The following RC3H1 variants were observed in gnomAD, a reference collection of about 807,000 sequenced individuals.
RC3H1 encodes the protein ring finger and CCCH-type domains 1, also known as roquin-1.
A neutral mutation model predicts 138.2 loss-of-function variants in RC3H1; 50 were observed. The observed-to-expected ratio is 0.36, with a 90% CI of 0.29 to 0.46. RC3H1 has a LOEUF of 0.46. Among genes scored for constraint, RC3H1 ranks in the 20% least tolerant of loss-of-function variants. The probability of loss-of-function intolerance (pLI) is 1.00; values close to 1 mark genes in which losing one functional copy is unlikely to be tolerated. For synonymous variants in RC3H1, 462 were observed against 489.1 expected, an observed-to-expected ratio of 0.94 and a Z score of 0.73; for missense variants, 1,031 against 1,388.1, an observed-to-expected ratio of 0.74 and a Z score of 4.09.
At chr1:173,968,872 T>A (rs189295449) in intron 9 of RC3H1, among the ~76,000 whole-genome samples, 1,907 of 150,630 alleles carry the variant, frequency 0.013, 15 homozygotes, top group Non-Finnish European at 0.02. Context: ...TTTTTTTTTT[T>A]TTTGGAGACA....
chr1:174,020,170 A>G (rs1328802544), intron 1 of RC3H1, among the ~76,000 whole-genome samples: 2 of 152,048 alleles, frequency 1.3e-5, no homozygotes, highest in African/African-American at 4.8e-5. Flanking sequence ...GAGCACCTGA[A>G]AAACGGTGTC....
intron 1 of RC3H1, among the ~76,000 whole-genome samples, chr1:174,001,430 T>A (rs949309450): frequency 6.6e-6 from 1 of 152,198 alleles, no homozygotes; most frequent in African/African-American, 2.4e-5. Flanking sequence ...GTGACCAGAC[T>A]CAAAGGCATC....
chr1:173,938,662 TACCCCTATGCCCGAC>T lies in RC3H1; in HGVS notation c.*44_*58del, dbSNP rs1051933681. ...AAAGTTTAGAAGTTATGCGTTCTCC[TACCCCTATGCCCGAC>T]AAACTGATTAGGAGCAGAAGATAAA... On this transcript the variant is annotated 3_prime_UTR_variant, in exon 20 of 20. Transcript: ENST00000367696. 313 of 1,326,792 alleles carry T rather than the reference TACCCCTATGCCCGAC, an allele frequency of 2.4e-4. No homozygotes were observed. Among genetic ancestry groups the T allele is most frequent in the South Asian group, 2.8e-4 (18 of 65,010 alleles). The allele number at this position is 1,326,792 out of a possible 1,614,324, so 82.2% of individuals were successfully genotyped here.
chr1:173,999,190 A>C (rs931376297), intron 1 of RC3H1, among the ~76,000 whole-genome samples: 2 of 152,090 alleles, frequency 1.3e-5, no homozygotes, highest in African/African-American at 4.8e-5. Context: ...GGAGTTTGAG[A>C]CCAGCTTGAC....
Position 173,943,461 on chromosome 1 carries a change from C to A in RC3H1, c.3116G>T (p.Arg1039Ile). ...LHQVEREIGKRTRELSMENQC... is the reference protein window; with the variant it reads ...LHQVEREIGKITRELSMENQC... ...ACTCACCATACTCAGTTCCCGTGTT[C>A]TCTTCCCGATTTCCCTTTCCACCTG... Residue 1039 changes from arginine (R) to isoleucine (I), a missense_variant, in exon 18 of 20, where the codon AGA becomes ATA. This residue lies in a region of RC3H1 where 716 missense variants were observed against 837.9 expected (regional missense o/e 0.85). Transcript: ENST00000367696. 1 of 1,613,724 alleles carries A rather than the reference C, an allele frequency of 6.2e-7. No homozygotes were observed. Among genetic ancestry groups the A allele is most frequent in the South Asian group, 1.1e-5 (1 of 91,006 alleles).
intron 9 of RC3H1, among the ~76,000 whole-genome samples, chr1:173,968,310 G>C (rs1483542765): frequency 6.6e-6 from 1 of 152,052 alleles, no homozygotes; most frequent in Non-Finnish European, 1.5e-5. Context: ...CATCATCATG[G>C]TGAGATTTAA....
chr1:173,984,584 C>G lies in RC3H1; in HGVS notation c.267G>C (p.Gly89=), dbSNP rs1660948264. The G allele has an allele frequency of 6.2e-7, 1 of 1,613,808 alleles. No individual in the cohort carries two copies. The highest frequency in any genetic ancestry group is 1.3e-5 in the African/African-American group (1 of 74,896). ...PEQQPITLCS[G]VEDTKHYEEA... ...CCTCATAATGCTTTGTGTCTTCAAC[C>G]CCACTACACAAAGTAATAGGCTGCT... Residue 89 remains glycine, a synonymous_variant, in exon 3 of 20, where the codon GGG becomes GGC. Coordinates refer to ENST00000367696, the MANE Select transcript of RC3H1 (RefSeq NM_172071.4).
chr1:174,003,705 G>A lies in RC3H1; in HGVS notation c.-150-10570C>T, dbSNP rs551131230. ...AGACGGAGTCTCTCTGTGTCCCCTAGGCTGGAGTGTAGTGGCACAATCTCA... is the reference window on the plus strand; with the variant it reads ...AGACGGAGTCTCTCTGTGTCCCCTAAGCTGGAGTGTAGTGGCACAATCTCA... On this transcript the variant is annotated intron_variant, in intron 1 of 19. Coordinates refer to ENST00000367696, the MANE Select transcript of RC3H1 (RefSeq NM_172071.4). Among the ~76,000 whole-genome samples the A allele has an allele frequency of 4.0e-5, 6 of 149,924 alleles. No individual in the cohort carries two copies. The South Asian group carries it at 1.3e-3, about 32-fold the overall frequency.
intron 9 of RC3H1, among the ~76,000 whole-genome samples, chr1:173,968,617 T>C (rs925841884): frequency 1.5e-4 from 23 of 152,216 alleles, no homozygotes; most frequent in Admixed American, 1.4e-3. Flanking sequence ...AATAATTTTA[T>C]GGCTATGTTA....
Position 173,940,884 on chromosome 1 carries a change from C to T in RC3H1, c.3251+381G>A, listed in dbSNP as rs1366861773. Among the ~76,000 whole-genome samples, 6 of 151,204 alleles carry T rather than the reference C, an allele frequency of 4.0e-5. No homozygotes were observed. In the East Asian group the frequency reaches 7.8e-4, roughly 20 times the overall value. On this transcript the variant is annotated intron_variant, in intron 19 of 19. Coordinates refer to ENST00000367696, the MANE Select transcript of RC3H1 (RefSeq NM_172071.4). ...GCTGCCAGGCTGGAGTACAGTGGCA[C>T]GATCTTGGCTCACTGCAACCTCCTC...
intron 1 of RC3H1, among the ~76,000 whole-genome samples, chr1:174,005,032 G>A (rs1661630466): frequency 6.6e-6 from 1 of 152,136 alleles, no homozygotes; most frequent in Non-Finnish European, 1.5e-5. Flanking sequence ...AAAAACCATA[G>A]AGAAAATAGT....
At chr1:173,940,388 T>C (rs1437540592) in intron 19 of RC3H1, among the ~76,000 whole-genome samples, 4 of 152,072 alleles carry the variant, frequency 2.6e-5, no homozygotes, top group Non-Finnish European at 5.9e-5. Flanking sequence ...GGAGAATCGC[T>C]TGAACCCAGG....
chr1:174,003,371 G>A (rs1180605253), intron 1 of RC3H1, among the ~76,000 whole-genome samples: 1 of 143,004 alleles, frequency 7.0e-6, no homozygotes, highest in Non-Finnish European at 1.5e-5. Context: ...TGGGCAACAA[G>A]AGCAAGACTC....
intron 2 of RC3H1, among the ~76,000 whole-genome samples, chr1:173,987,802 A>G (rs1661093143): frequency 6.6e-6 from 1 of 152,116 alleles, no homozygotes; most frequent in Admixed American, 6.5e-5. Context: ...AACCATCTGT[A>G]TCCATATCAA....
intron 14 of RC3H1, among the ~76,000 whole-genome samples, chr1:173,951,322 TC>T (rs149177436): frequency 0.016 from 2,330 of 148,442 alleles, 74 homozygotes; most frequent in African/African-American, 0.055. Context: ...TGAAACTCCA[TC>T]CCCCCCCCAA....
Position 173,970,757 on chromosome 1 carries a change from A to G in RC3H1, c.1222-140T>C, listed in dbSNP as rs867009976. 7.1e-5 allele frequency: 39 copies of G among 546,218 alleles called. 1 individual carries two copies. In the Middle Eastern group the frequency reaches 2.4e-3, roughly 33 times the overall value. The allele number at this position is 546,218 out of a possible 1,614,324, so 33.8% of individuals were successfully genotyped here. ...AGATTACCAAGAGCAAAAGTGCTGG[A>G]AAGTCATTCTGTCTGAAGTTTCAAA... On this transcript the variant is annotated intron_variant, in intron 8 of 19. Transcript: ENST00000367696.
chr1:173,967,874 CA>C (rs56917037), intron 9 of RC3H1, among the ~76,000 whole-genome samples: 2,574 of 152,232 alleles, frequency 0.017, 85 homozygotes, highest in African/African-American at 0.059. Flanking sequence ...CCTTATTTAA[CA>C]ACTAAAAACA....
chr1:173,992,979 C>G lies in RC3H1; in HGVS notation c.7G>C (p.Val3Leu). Reference protein sequence around the residue: MPVQAPQWTDFLS... With the variant: MPLQAPQWTDFLS... ...AAATCCGTCCATTGTGGAGCTTGTA[C>G]AGGCATTGCTTCTGGAGTTACAATT... is the stretch of plus-strand genomic sequence containing the variant. Residue 3 changes from valine (V) to leucine (L), a missense_variant, in exon 2 of 20, where the codon GTA (valine) becomes CTA (leucine). Physicochemically the swap from Val to Leu is conservative, Grantham distance 32. This residue lies in a region of RC3H1 where 35 missense variants were observed against 69.4 expected (regional missense o/e 0.50). Coordinates refer to ENST00000367696, the MANE Select transcript of RC3H1 (RefSeq NM_172071.4). 1 of 1,611,360 alleles carries G rather than the reference C, an allele frequency of 6.2e-7. No homozygotes were observed. The highest frequency in any genetic ancestry group is 8.5e-7 in the Non-Finnish European group (1 of 1,177,608).
At chr1:173,981,981 C>CA (rs1455474148) in intron 5 of RC3H1, among the ~76,000 whole-genome samples, 1 of 152,054 alleles carries the variant, frequency 6.6e-6, no homozygotes, top group East Asian at 1.9e-4. Context: ...GGTGCTTATT[C>CA]AATTTGGGAT....
Sources: gnomAD v4.1 joint callset for allele counts (sites outside exome capture counted in the v4.1 genomes callset) on GRCh38, gnomAD v4.1.1 for gene constraint, gnomAD v4.1.1 regional missense constraint, MANE v1.5 for transcripts, NCBI Gene and HGNC (gene_info 2026-07-23, HGNC 2026-07-21) for gene names.